The following DGLUCY variants were observed in gnomAD, a reference collection of about 807,000 sequenced individuals.
DGLUCY encodes D-glutamate cyclase, mitochondrial.
DGLUCY carries 58 observed loss-of-function variants against 58.5 expected under a neutral mutation model. The observed-to-expected ratio is 0.99, with a 90% CI of 0.80 to 1.23. DGLUCY has a LOEUF of 1.23. Among genes scored for constraint, DGLUCY ranks in the 50% most tolerant of loss-of-function variants. The pLI, the probability that DGLUCY is intolerant of heterozygous loss-of-function variation, is 0.00. For missense variants in DGLUCY, 779 were observed against 784.7 expected, an observed-to-expected ratio of 0.99 and a Z score of 0.09; for synonymous variants, 325 against 314.1, an observed-to-expected ratio of 1.03 and a Z score of -0.37.
intron 10 of DGLUCY, 55 bp downstream of exon 10, chr14:91,196,529 C>A: frequency 7.0e-7 from 1 of 1,431,162 alleles, no homozygotes; most frequent in East Asian, 2.3e-5. Context: ...CCCATATGCT[C>A]TTCACTTAGC....
At position 91,144,436 on chromosome 14, in the gene DGLUCY, T is replaced by C. The variant is rs2046907207; in HGVS notation, c.-81-13203T>C. 3.9e-5 allele frequency among the ~76,000 whole-genome samples: 6 copies of C among 152,256 alleles called. No individual in the cohort carries two copies. In the South Asian group the frequency reaches 1.2e-3, roughly 32 times the overall value. On this transcript the variant is annotated intron_variant, in intron 1 of 13. Transcript: ENST00000256324. The stretch of plus-strand genomic sequence containing the variant: ...TTAGCTGGGCATGGTGGAGGGTGCC[T>C]GTAGTCCCAGCTACTAAGGAGGCTG...
At chr14:91,222,847 G>T (rs557026303) in intron 13 of DGLUCY, among the ~76,000 whole-genome samples, 4 of 152,336 alleles carry the variant, frequency 2.6e-5, no homozygotes, top group Non-Finnish European at 2.9e-5. Context: ...TCTAGAGATT[G>T]GGAAGTCCAA....
intron 9 of DGLUCY, among the ~76,000 whole-genome samples, chr14:91,195,196 C>T (rs199573008): frequency 3.6e-4 from 55 of 152,248 alleles, no homozygotes; most frequent in South Asian, 1.2e-3. Context: ...TCCAAGACAC[C>T]CTGCTCCTGG....
chr14:91,217,796 G>A (rs922057669), intron 13 of DGLUCY, among the ~76,000 whole-genome samples: 1 of 151,964 alleles, frequency 6.6e-6, no homozygotes, highest in African/African-American at 2.4e-5. Flanking sequence ...CCTCTTTTCT[G>A]TCTTTCTTTC....
intron 5 of DGLUCY, among the ~76,000 whole-genome samples, chr14:91,172,771 C>T (rs192101890): frequency 6.6e-6 from 1 of 152,016 alleles, no homozygotes; most frequent in Non-Finnish European, 1.5e-5. Context: ...CTCAGCCTCC[C>T]GAGTAGCTGG....
chr14:91,186,461 G>T (rs1337251430), intron 8 of DGLUCY, among the ~76,000 whole-genome samples: 1 of 152,016 alleles, frequency 6.6e-6, no homozygotes, highest in Non-Finnish European at 1.5e-5. Context: ...TGGCCAGGCT[G>T]GTCTCAAGCT....
At chr14:91,077,551 A>C (rs1393632755) in intron 1 of DGLUCY, among the ~76,000 whole-genome samples, 1 of 152,084 alleles carries the variant, frequency 6.6e-6, no homozygotes, top group Non-Finnish European at 1.5e-5. Flanking sequence ...CAATAGATCG[A>C]GACCATCCTG....
intron 1 of DGLUCY, among the ~76,000 whole-genome samples, chr14:91,084,841 T>C (rs185426082): frequency 6.6e-6 from 1 of 152,312 alleles, no homozygotes; most frequent in African/African-American, 2.4e-5. Context: ...TTTGTACTCA[T>C]GATGCTTATT....
At chr14:91,185,271 A>ATT (rs35639010) in intron 8 of DGLUCY, among the ~76,000 whole-genome samples, 2,572 of 38,376 alleles carry the variant, frequency 0.067, 369 homozygotes, top group East Asian at 0.15. Flanking sequence ...GCCCAGCCGG[A>ATT]TTTTTTTTTT....
chr14:91,219,043 G>A (rs1446414198), intron 13 of DGLUCY, among the ~76,000 whole-genome samples: 3 of 151,988 alleles, frequency 2.0e-5, no homozygotes. Context: ...AGCCAGGCGT[G>A]GTGGCGGGCG....
At chr14:91,154,695 C>T (rs2047514271) in intron 1 of DGLUCY, among the ~76,000 whole-genome samples, 1 of 152,172 alleles carries the variant, frequency 6.6e-6, no homozygotes, top group Non-Finnish European at 1.5e-5. Flanking sequence ...TCCTTCTCTG[C>T]CCTGCGCTCC....
upstream of DGLUCY, among the ~76,000 whole-genome samples, chr14:91,113,904 CA>C (rs747307861): frequency 1.3e-5 from 2 of 152,224 alleles, no homozygotes; most frequent in Non-Finnish European, 2.9e-5. Context: ...ACCCAGGCAT[CA>C]GGATTTTTCA....
chr14:91,187,743 C>A (rs566630271), intron 8 of DGLUCY, among the ~76,000 whole-genome samples: 6 of 152,190 alleles, frequency 3.9e-5, no homozygotes, highest in Admixed American at 2.0e-4. Flanking sequence ...TGAGTAAATG[C>A]CCAGTCTCCT....
At chr14:91,194,953 G>A (rs1281588027) in intron 9 of DGLUCY, among the ~76,000 whole-genome samples, 1 of 152,226 alleles carries the variant, frequency 6.6e-6, no homozygotes, top group Non-Finnish European at 1.5e-5. Flanking sequence ...CAGCAGCATG[G>A]CGGAGTAGCT....
chr14:91,176,100 A>T (rs758300679), intron 7 of DGLUCY, 44 bp downstream of exon 7: 2 of 1,597,910 alleles, frequency 1.3e-6, no homozygotes, highest in Non-Finnish European at 1.7e-6. Context: ...CCTAGGATGG[A>T]GCCCAGTGGG....
At chr14:91,154,287 A>G (rs902242006) in intron 1 of DGLUCY, among the ~76,000 whole-genome samples, 16 of 152,184 alleles carry the variant, frequency 1.1e-4, no homozygotes, top group African/African-American at 3.6e-4. Context: ...TGAATACACA[A>G]TTTCCATGTG....
rs770919048 is a variant in DGLUCY at position 91,170,202 on chromosome 14, G to A, written c.456+1G>A. 1.2e-6 allele frequency: 2 copies of A among 1,613,000 alleles called. No homozygotes were observed. The highest frequency in any genetic ancestry group is 1.7e-6 in the Non-Finnish European group (2 of 1,179,588). ...TCACAGCCAGGCGGGTGCATACAAG[G>A]TAGGGACACAGCCCACAGCCCACAA... On this transcript the variant is annotated splice_donor_variant, in intron 5 of 13. Transcript: ENST00000256324. LOFTEE classifies it high-confidence loss of function.
In DGLUCY at chr14:91,181,189, C is replaced by T. The variant is rs760894799; in HGVS notation, c.734C>T (p.Thr245Ile). 6.2e-7 allele frequency: 1 copy of T among 1,613,966 alleles called. No homozygotes were observed. ...ACCCTCCTGCTGTGTGTTTTAGAGA[C>T]CCCACTGGCTTTTGCCAGCATCCCA... ...TSLGAVSSCE[T>I]PLAFASIPGC... Residue 245 changes from threonine to isoleucine, a missense_variant, in exon 8 of 14, where the codon ACC (threonine) becomes ATC (isoleucine). Transcript: ENST00000256324.
intron 3 of DGLUCY, among the ~76,000 whole-genome samples, chr14:91,161,470 T>C (rs1291192847): frequency 6.6e-6 from 1 of 152,244 alleles, no homozygotes; most frequent in East Asian, 1.9e-4. Flanking sequence ...CCATGTGGTG[T>C]CTGTTGGGGA....
Sources: gnomAD v4.1 joint callset for allele counts (sites outside exome capture counted in the v4.1 genomes callset) on GRCh38, gnomAD v4.1.1 for gene constraint, MANE v1.5 for transcripts, NCBI Gene and HGNC (gene_info 2026-07-23, HGNC 2026-07-21) for gene names.